The following SUGCT variants were observed in gnomAD, a reference collection of about 807,000 sequenced individuals.
SUGCT encodes the protein succinyl-CoA:glutarate CoA-transferase.
In SUGCT, 41 loss-of-function variants were observed where a neutral mutation model predicts 55.0. The observed-to-expected ratio is 0.74, with a 90% CI of 0.58 to 0.97. SUGCT has a LOEUF of 0.97. Ranked by LOEUF, SUGCT falls within the 50% of genes least tolerant of loss-of-function variation. SUGCT has a pLI of 0.00. For synonymous variants in SUGCT, 187 were observed against 200.4 expected (o/e 0.93, Z 0.56); for missense variants, 568 against 547.8 (o/e 1.04, Z -0.37).
intron 12 of SUGCT, among the ~76,000 whole-genome samples, chr7:40,517,266 A>AATTTTTTT (rs1793294428): frequency 6.6e-6 from 1 of 151,512 alleles, no homozygotes; most frequent in Admixed American, 6.6e-5. Context: ...GGATTTTTTA[A>AATTTTTTT]ATGTAAGCTC....
chr7:40,441,671 A>G (rs1049660220), intron 9 of SUGCT, among the ~76,000 whole-genome samples: 2 of 152,200 alleles, frequency 1.3e-5, no homozygotes, highest in African/African-American at 4.8e-5. Context: ...AGATGGAGCC[A>G]ATTTGCTGAA....
chr7:40,876,259 C>T, the SUGCT span, among the ~76,000 whole-genome samples: 2 of 152,264 alleles, frequency 1.3e-5, no homozygotes, highest in African/African-American at 4.8e-5. Context: ...ACACTGTCTT[C>T]ATCTCTATCT....
chr7:40,714,389 A>G (rs1398275544), intron 12 of SUGCT, among the ~76,000 whole-genome samples: 1 of 152,106 alleles, frequency 6.6e-6, no homozygotes, highest in Non-Finnish European at 1.5e-5. Context: ...ATAACTACTC[A>G]TCCCCCACCC....
Position 40,244,259 on chromosome 7 carries a change from T to C in SUGCT, c.576+6533T>C, listed in dbSNP as rs369003615. On this transcript the variant is annotated intron_variant, in intron 7 of 13. Coordinates refer to ENST00000335693, the MANE Select transcript of SUGCT (RefSeq NM_001193313.2). ...AGGAAGCGGTGGGACTTGAGATGCA[T>C]GGTGCCTGGAAAGATAGATAGAATG... Among the ~76,000 whole-genome samples the C allele has an allele frequency of 1.6e-4, 25 of 152,290 alleles. No individual in the cohort carries two copies. In the East Asian group the frequency reaches 4.2e-3, roughly 26 times the overall value.
intron 12 of SUGCT, among the ~76,000 whole-genome samples, chr7:40,522,238 C>A (rs1168087305): frequency 3.9e-5 from 6 of 152,112 alleles, no homozygotes. Flanking sequence ...TGTAGTTTCT[C>A]TAACACTTGC....
At chr7:40,786,007 G>A (rs763099037) in intron 13 of SUGCT, among the ~76,000 whole-genome samples, 14 of 152,178 alleles carry the variant, frequency 9.2e-5, no homozygotes, top group Non-Finnish European at 1.6e-4. Flanking sequence ...ATTGAGGCAA[G>A]AGGATTGCTT....
At chr7:40,432,685 C>CAA (rs61055999) in intron 9 of SUGCT, among the ~76,000 whole-genome samples, 12 of 115,690 alleles carry the variant, frequency 1.0e-4, no homozygotes, top group African/African-American at 3.5e-4. Flanking sequence ...GACTCCCTCT[C>CAA]AAAAAAAAAA....
At chr7:40,638,400 G>C (rs898865770) in intron 12 of SUGCT, among the ~76,000 whole-genome samples, 8 of 152,184 alleles carry the variant, frequency 5.3e-5, no homozygotes, top group Non-Finnish European at 8.8e-5. Flanking sequence ...ACTCTCATGA[G>C]AGTGTAGTCT....
chr7:40,951,540 G>A, the SUGCT span, among the ~76,000 whole-genome samples: 4 of 152,164 alleles, frequency 2.6e-5, no homozygotes, highest in African/African-American at 9.6e-5. Context: ...TTTTAATTGT[G>A]ATGTTAGGAT....
intron 9 of SUGCT, among the ~76,000 whole-genome samples, chr7:40,422,434 A>G (rs904773107): frequency 3.9e-5 from 6 of 152,134 alleles, no homozygotes; most frequent in African/African-American, 9.7e-5. Context: ...TCGTTTTACA[A>G]TTTGGCCAAT....
intron 12 of SUGCT, among the ~76,000 whole-genome samples, chr7:40,512,691 G>A (rs1020710458): frequency 2.0e-5 from 3 of 151,952 alleles, no homozygotes; most frequent in African/African-American, 7.3e-5. Context: ...GCTGGAAAAT[G>A]TGGAAAATGT....
At chr7:40,767,430 G>T (rs1046546364) in intron 13 of SUGCT, among the ~76,000 whole-genome samples, 38 of 152,268 alleles carry the variant, frequency 2.5e-4, no homozygotes, top group Admixed American at 2.3e-3. Flanking sequence ...GGTCCAAAGG[G>T]TCTCTCATGG....
At chr7:40,852,342 C>T (rs554908681) in intron 13 of SUGCT, among the ~76,000 whole-genome samples, 1 of 152,230 alleles carries the variant, frequency 6.6e-6, no homozygotes, top group South Asian at 2.1e-4. Flanking sequence ...TCTAATGTAC[C>T]ATTCCAGTCA....
In SUGCT at chr7:40,575,119, C is replaced by T. The variant is rs559453007; in HGVS notation, c.1089+78733C>T. 5.1e-3 allele frequency among the ~76,000 whole-genome samples: 510 copies of T among 99,138 alleles called. 1 individual carries two copies. The highest frequency in any genetic ancestry group is 0.011 in the Middle Eastern group (2 of 186). 65.0% of individuals were successfully genotyped at this position (99,138 alleles called of 152,430 possible). A position where few individuals can be genotyped will look rare whatever the true frequency, so the allele number is the denominator to read the frequency against. On this transcript the variant is annotated intron_variant, in intron 12 of 13. Transcript: ENST00000335693. The stretch of plus-strand genomic sequence containing the variant: ...AGCAGGATGGTGGGCAGGAGGGTGG[C>T]GGGGGTGGGGGTGGAGATGGGTGAA...
chr7:40,827,894 C>T (rs146507215), intron 13 of SUGCT, among the ~76,000 whole-genome samples: 4 of 152,192 alleles, frequency 2.6e-5, no homozygotes, highest in Admixed American at 2.0e-4. Flanking sequence ...TGCTTTGATA[C>T]TGCCAGCACA....
intron 12 of SUGCT, among the ~76,000 whole-genome samples, chr7:40,502,753 T>A (rs1470079715): frequency 6.6e-6 from 1 of 152,126 alleles, no homozygotes; most frequent in Non-Finnish European, 1.5e-5. Context: ...TAGCCAATTA[T>A]AAAAATATGT....
intron 13 of SUGCT, among the ~76,000 whole-genome samples, chr7:40,805,130 T>G (rs900765892): frequency 2.0e-5 from 3 of 152,212 alleles, no homozygotes; most frequent in Admixed American, 2.0e-4. Context: ...TAGGATGCAC[T>G]GGTTCCTGGA....
At chr7:40,435,794 A>G (rs1788140921) in intron 9 of SUGCT, among the ~76,000 whole-genome samples, 1 of 151,958 alleles carries the variant, frequency 6.6e-6, no homozygotes, top group Non-Finnish European at 1.5e-5. Flanking sequence ...TCTGAGCCTC[A>G]TCCTCATATC....
chr7:40,902,409 C>A, the SUGCT span, among the ~76,000 whole-genome samples: 2 of 151,744 alleles, frequency 1.3e-5, no homozygotes, highest in South Asian at 2.1e-4. Flanking sequence ...GAAACCCCAT[C>A]TCTACTGAAA....
Sources: gnomAD v4.1 joint callset for allele counts (sites outside exome capture counted in the v4.1 genomes callset) on GRCh38, gnomAD v4.1.1 for gene constraint, MANE v1.5 for transcripts, NCBI Gene and HGNC (gene_info 2026-07-23, HGNC 2026-07-21) for gene names.